LPAR6: variants seen among roughly 807,000 people sequenced by gnomAD.
LPAR6 encodes the protein lysophosphatidic acid receptor 6, also known as G-protein coupled purinergic receptor P2Y5.
A neutral mutation model predicts 22.0 loss-of-function variants in LPAR6; 17 were observed. The ratio of observed to expected loss-of-function variants is 0.77; its 90% confidence interval spans 0.53 to 1.16. The LOEUF is 1.16. Among genes scored for constraint, LPAR6 ranks in the 50% most tolerant of loss-of-function variants. The pLI is 0.00. For missense variants in LPAR6, 384 were observed against 406.9 expected (o/e 0.94, Z 0.48); for synonymous variants, 136 against 139.8 (o/e 0.97, Z 0.19).
chr13:48,422,530 T>G (rs188805500), intron 2 of LPAR6: 31 of 152,240 alleles, frequency 2.0e-4, no homozygotes, highest in African/African-American at 6.0e-4. Context: ...TAAAAAATGG[T>G]GAAGACAAGC....
chr13:48,440,576 G>A (rs1949227197), intron 1 of LPAR6, among the ~76,000 whole-genome samples: 1 of 152,144 alleles, frequency 6.6e-6, no homozygotes, highest in Non-Finnish European at 1.5e-5. Flanking sequence ...TTGGGGTAAG[G>A]CGATCTGCCT....
Position 48,411,401 on chromosome 13 carries a change from TTCATTGTCAAATATC to T in LPAR6, c.1008_1022del (p.Ile337_Glu341del), listed in dbSNP as rs774158554. Reference sequence around the variant, plus strand: ...TAATGGTTTTATTTCAGGCAGCAGATTCATTGTCAAATATCTTACTTTTTAAGGTCTGTAGGTTAT... The same window carrying T: ...TAATGGTTTTATTTCAGGCAGCAGATTTACTTTTTAAGGTCTGTAGGTTAT... On this transcript the variant is annotated inframe_deletion, in exon 1 of 1. Transcript: ENST00000620633. 3.1e-6 allele frequency: 5 copies of T among 1,611,236 alleles called. No individual in the cohort carries two copies. Among genetic ancestry groups the T allele is most frequent in the Non-Finnish European group, 3.4e-6 (4 of 1,179,114 alleles).
Position 48,411,460 on chromosome 13 carries a change from C to T in LPAR6, c.964G>A (p.Ala322Thr), listed in dbSNP as rs1420859060. The T allele has an allele frequency of 6.2e-7, 1 of 1,612,926 alleles. No individual in the cohort carries two copies. The highest frequency in any genetic ancestry group is 8.5e-7 in the Non-Finnish European group (1 of 1,179,294). Reference sequence around the variant, plus strand: ...AGGTTATGCTGAATAAAATTCTCTGCACCATGAACTTCAGAGAATCTGAAG... The same window carrying T: ...AGGTTATGCTGAATAAAATTCTCTGTACCATGAACTTCAGAGAATCTGAAG... ...SDFRFSEVHG[A>T]ENFIQHNLQT... The change falls in exon 1 of 1, where the codon GCA (alanine) becomes ACA (threonine). Residue 322 changes from alanine (A) to threonine (T), a missense_variant. Ala to Thr is a moderately conservative substitution (Grantham distance 58). Coordinates refer to ENST00000620633, the MANE Select transcript of LPAR6 (RefSeq NM_001162498.3).
At chr13:48,428,722 A>G (rs147708421), upstream of LPAR6, among the ~76,000 whole-genome samples, 846 of 152,340 alleles carry the variant, frequency 5.6e-3, 5 homozygotes, top group Middle Eastern at 0.01. Flanking sequence ...TTTTAGCTTC[A>G]TCTTTATTTA....
rs148119519 is a variant in LPAR6, at chr13:48,403,145, T to A, written n.114+12555A>T. 3.8e-4 allele frequency among the ~76,000 whole-genome samples: 58 copies of A among 152,318 alleles called. 1 individual carries two copies. In the East Asian group the frequency reaches 9.6e-3, roughly 25 times the overall value. ...AATTTAAAGATCTCCTGTGTTTTGA[T>A]GTAAAAACACTATTTTTTAGCAGCA... On this transcript the variant is annotated intron_variant and non_coding_transcript_variant, in intron 1 of 1. Coordinates refer to the LPAR6 transcript ENST00000462781.
chr13:48,413,908 T>G (rs1372105310), upstream of LPAR6, among the ~76,000 whole-genome samples: 1 of 152,218 alleles, frequency 6.6e-6, no homozygotes, highest in Non-Finnish European at 1.5e-5. Context: ...GGCAAAATTT[T>G]AGGTTCATAG....
At chr13:48,442,007 C>T (rs1433006129) in intron 1 of LPAR6, among the ~76,000 whole-genome samples, 3 of 152,130 alleles carry the variant, frequency 2.0e-5, no homozygotes, top group East Asian at 1.9e-4. Context: ...CTTTTAAACT[C>T]GAATTCACCC....
chr13:48,395,300 A>G lies in LPAR6; in HGVS notation n.115-5488T>C, dbSNP rs567685545. On this transcript the variant is annotated intron_variant and non_coding_transcript_variant, in intron 1 of 1. Transcript: ENST00000462781. ...TCCATGAAGATGAGGAAAAACCAGC[A>G]CAAAAAGGCTGAAAATTCCAAAAAC... Among the ~76,000 whole-genome samples the G allele has an allele frequency of 6.6e-5, 10 of 152,296 alleles. No individual in the cohort carries two copies. The South Asian group carries it at 2.1e-3, about 32-fold the overall frequency.
rs1457969524 is a variant in LPAR6, at chr13:48,433,450, G to A, written c.-1473-9331C>T. Among the ~76,000 whole-genome samples, 7 of 152,204 alleles carry A rather than the reference G, an allele frequency of 4.6e-5. No homozygotes were observed. The South Asian group carries it at 1.0e-3, about 23-fold the overall frequency. ...TGTTGCCTTGCTTTGTAACTTAAAA[G>A]AGCTTTTTCAGGGACTCCCTCAGAG... On this transcript the variant is annotated intron_variant, in intron 1 of 6. Transcript: ENST00000378434.
At chr13:48,439,724 T>C (rs1307751543) in intron 1 of LPAR6, 1 of 152,178 alleles carries the variant, frequency 6.6e-6, no homozygotes, top group African/African-American at 2.4e-5. Context: ...TCTGTACTTT[T>C]TACATTTGAT....
At position 48,412,092 on chromosome 13, in the gene LPAR6, C is replaced by A; in HGVS notation, c.332G>T (p.Ser111Ile). 6.2e-7 allele frequency: 1 copy of A among 1,613,152 alleles called. No individual in the cohort carries two copies. The highest frequency in any genetic ancestry group is 1.1e-5 in the South Asian group (1 of 90,966). ...YGSILFLTCISVDRFLAIVYP... is the reference protein window; with the variant it reads ...YGSILFLTCIIVDRFLAIVYP... ...GACAATTGCCAGAAATCGATCTACACTAATACAGGTTAAGAACAGAATGCT... is the reference window on the plus strand; with the variant it reads ...GACAATTGCCAGAAATCGATCTACAATAATACAGGTTAAGAACAGAATGCT... Residue 111 changes from serine to isoleucine, a missense_variant, in exon 1 of 1, where the codon AGT becomes ATT. Coordinates refer to ENST00000620633, the MANE Select transcript of LPAR6 (RefSeq NM_001162498.3).
At position 48,441,333 on chromosome 13, in the gene LPAR6, C is replaced by T. The variant is rs192673347; in HGVS notation, c.-1474+3220G>A. 3.5e-4 allele frequency among the ~76,000 whole-genome samples: 54 copies of T among 152,236 alleles called. 1 individual carries two copies. The East Asian group carries it at 9.6e-3, about 27-fold the overall frequency. On this transcript the variant is annotated intron_variant, in intron 1 of 6. Transcript: ENST00000378434. Reference sequence around the variant, plus strand: ...ATTGTGCCTGAAGACCCTTATGTTACCTTTACATATCAAATTTCTATTGTA... The same window carrying T: ...ATTGTGCCTGAAGACCCTTATGTTATCTTTACATATCAAATTTCTATTGTA...
chr13:48,392,782 GTA>G (rs1948621157), intron 1 of LPAR6, among the ~76,000 whole-genome samples: 2 of 151,522 alleles, frequency 1.3e-5, no homozygotes, highest in African/African-American at 2.4e-5. Context: ...TTTAAGAGTC[GTA>G]TGTTTCTGCT....
upstream of LPAR6, chr13:48,416,310 T>G (rs1948909002): frequency 6.6e-6 from 1 of 152,264 alleles, no homozygotes. Context: ...GGCATCGCCT[T>G]ACACGGGAAG....
intron 1 of LPAR6, among the ~76,000 whole-genome samples, chr13:48,423,739 G>A (rs1345664078): frequency 6.6e-6 from 1 of 152,160 alleles, no homozygotes; most frequent in Non-Finnish European, 1.5e-5. Context: ...GAAATAAATT[G>A]ATTTAAGTTC....
At chr13:48,396,436 C>T (rs1175515201) in intron 1 of LPAR6, among the ~76,000 whole-genome samples, 1 of 152,170 alleles carries the variant, frequency 6.6e-6, no homozygotes, top group East Asian at 1.9e-4. Flanking sequence ...GGAAAACTGA[C>T]TAGCCATATG....
At chr13:48,398,706 A>G (rs1020738599) in intron 1 of LPAR6, among the ~76,000 whole-genome samples, 17 of 152,122 alleles carry the variant, frequency 1.1e-4, no homozygotes, top group African/African-American at 3.4e-4. Context: ...TCACTGTACT[A>G]CATTATTTCT....
intron 1 of LPAR6, among the ~76,000 whole-genome samples, chr13:48,434,995 T>C (rs1949169185): frequency 6.6e-6 from 1 of 152,242 alleles, no homozygotes; most frequent in Non-Finnish European, 1.5e-5. Context: ...GGTTCTAGTT[T>C]TTGGCTATCA....
rs570302701 is a variant in LPAR6 at position 48,397,550 on chromosome 13, G to T, written n.115-7738C>A. On this transcript the variant is annotated intron_variant and non_coding_transcript_variant, in intron 1 of 1. Transcript: ENST00000462781. ...GGAAAAATACCTAATGTAGATGATG[G>T]GTTGATAGGTGCAGCAAACCACCAT... Among the ~76,000 whole-genome samples the T allele has an allele frequency of 4.6e-5, 7 of 152,082 alleles. No individual in the cohort carries two copies. In the East Asian group the frequency reaches 1.2e-3, roughly 25 times the overall value.
Sources: allele counts gnomAD v4.1 joint callset (sites outside exome capture counted in the v4.1 genomes callset), GRCh38; gene constraint gnomAD v4.1.1; transcripts MANE v1.5; gene names NCBI Gene and HGNC (gene_info 2026-07-23, HGNC 2026-07-21).